Variants in ADGRL2 observed in about 807,000 individuals in gnomAD.
ADGRL2 encodes the protein adhesion G protein-coupled receptor L2.
A neutral mutation model predicts 157.4 loss-of-function variants in ADGRL2; 44 were observed. The ratio of observed to expected loss-of-function variants is 0.28; its 90% CI spans 0.22 to 0.36. The LOEUF (loss-of-function observed/expected upper bound fraction) is 0.36, where lower values mean the gene tolerates loss of function less well. Ranked by LOEUF, ADGRL2 falls within the 10% of genes least tolerant of loss-of-function variation. The probability of loss-of-function intolerance (pLI) is 1.00; values close to 1 mark genes in which losing one functional copy is unlikely to be tolerated. For synonymous variants in ADGRL2, 585 were observed against 624.7 expected (o/e 0.94, Z 0.95); for missense variants, 1,510 against 1,768.9 (o/e 0.85, Z 2.63).
chr1:81,796,809 T>A (rs1403952919), upstream of ADGRL2, among the ~76,000 whole-genome samples: 1 of 152,212 alleles, frequency 6.6e-6, no homozygotes, highest in Non-Finnish European at 1.5e-5. Context: ...TAATTATATT[T>A]ACATTATACT....
At chr1:81,488,779 T>C (rs1382664423) in intron 2 of ADGRL2, among the ~76,000 whole-genome samples, 1 of 151,616 alleles carries the variant, frequency 6.6e-6, no homozygotes, top group Non-Finnish European at 1.5e-5. Flanking sequence ...AAAAGAATTG[T>C]CCCTCAAAGC....
intron 2 of ADGRL2, among the ~76,000 whole-genome samples, chr1:81,892,580 C>T (rs1448695469): frequency 6.6e-6 from 1 of 152,100 alleles, no homozygotes; most frequent in African/African-American, 2.4e-5. Context: ...AGTCTATTCA[C>T]TGATTTTGTC....
rs886700690 is a variant in ADGRL2 at position 81,927,469 on chromosome 1, G to A, written c.288-9259G>A. ...GGATTATATTTAAAACTTTAAAAAA[G>A]TAGAAAATTGAATGTAATAAAAATT... On this transcript the variant is annotated intron_variant, in intron 3 of 23. Coordinates refer to ENST00000686636, the MANE Select transcript of ADGRL2 (RefSeq NM_001366006.2). Among the ~76,000 whole-genome samples the A allele has an allele frequency of 3.3e-5, 5 of 152,000 alleles. No homozygotes were observed. The South Asian group carries it at 8.3e-4, about 25-fold the overall frequency.
intron 2 of ADGRL2, among the ~76,000 whole-genome samples, chr1:81,482,431 C>A (rs1355271254): frequency 6.6e-6 from 1 of 151,658 alleles, no homozygotes; most frequent in Non-Finnish European, 1.5e-5. Context: ...TGTCCTAAAC[C>A]CACACATATA....
chr1:81,357,725 G>C (rs1444658607), intron 1 of ADGRL2, among the ~76,000 whole-genome samples: 1 of 152,100 alleles, frequency 6.6e-6, no homozygotes, highest in African/African-American at 2.4e-5. Flanking sequence ...GGGGTAGAAG[G>C]TAGGAAGTTA....
intron 3 of ADGRL2, among the ~76,000 whole-genome samples, chr1:81,917,279 T>C (rs1456294564): frequency 6.6e-6 from 1 of 152,184 alleles, no homozygotes; most frequent in Non-Finnish European, 1.5e-5. Context: ...AGTACCTACT[T>C]TGTACATTAT....
chr1:81,967,748 A>T (rs1330512500), intron 13 of ADGRL2, among the ~76,000 whole-genome samples: 1 of 152,200 alleles, frequency 6.6e-6, no homozygotes, highest in Non-Finnish European at 1.5e-5. Context: ...AAAAGATTCT[A>T]ATGTACCATC....
intron 2 of ADGRL2, among the ~76,000 whole-genome samples, chr1:81,778,429 G>A (rs1038575856): frequency 6.6e-6 from 1 of 151,698 alleles, no homozygotes; most frequent in Non-Finnish European, 1.5e-5. Flanking sequence ...CTAGAGATCT[G>A]TATATCTATT....
chr1:81,406,642 C>A (rs1001272040), intron 1 of ADGRL2, among the ~76,000 whole-genome samples: 1 of 152,150 alleles, frequency 6.6e-6, no homozygotes, highest in Non-Finnish European at 1.5e-5. Context: ...GCAGTTTCAA[C>A]CATTGCTATT....
intron 1 of ADGRL2, among the ~76,000 whole-genome samples, chr1:81,444,221 C>G (rs2077560109): frequency 6.6e-6 from 1 of 152,206 alleles, no homozygotes; most frequent in East Asian, 1.9e-4. Context: ...TAATGCAAGA[C>G]AGGTAAACCT....
At chr1:81,563,643 G>A (rs1192344571) in intron 2 of ADGRL2, among the ~76,000 whole-genome samples, 1 of 152,042 alleles carries the variant, frequency 6.6e-6, no homozygotes, top group African/African-American at 2.4e-5. Flanking sequence ...TTTTCAGTGA[G>A]GAAAGATCTA....
At chr1:81,558,657 T>C (rs1325314663) in intron 2 of ADGRL2, among the ~76,000 whole-genome samples, 2 of 152,194 alleles carry the variant, frequency 1.3e-5, no homozygotes, top group Non-Finnish European at 1.5e-5. Flanking sequence ...AAAAAAACCT[T>C]GATTCCCACT....
chr1:81,394,571 C>A (rs184993000), intron 1 of ADGRL2, among the ~76,000 whole-genome samples: 1 of 152,096 alleles, frequency 6.6e-6, no homozygotes, highest in African/African-American at 2.4e-5. Flanking sequence ...AATATTATTC[C>A]GTTGTGTATA....
At chr1:81,510,331 T>C (rs1040138406) in intron 2 of ADGRL2, among the ~76,000 whole-genome samples, 10 of 152,148 alleles carry the variant, frequency 6.6e-5, no homozygotes, top group African/African-American at 2.4e-4. Context: ...TGGCCCAATT[T>C]TGAGAAATAG....
chr1:81,518,789 C>T (rs1380072084), intron 2 of ADGRL2, among the ~76,000 whole-genome samples: 1 of 144,502 alleles, frequency 6.9e-6, no homozygotes, highest in Non-Finnish European at 1.5e-5. Context: ...CAGAGTGAGA[C>T]CTTGTCTCAA....
chr1:81,963,931 A>G (rs1486797045), intron 11 of ADGRL2, among the ~76,000 whole-genome samples: 1 of 151,102 alleles, frequency 6.6e-6, no homozygotes, highest in Non-Finnish European at 1.5e-5. Flanking sequence ...ATGGTCATAA[A>G]CTATTAGGGT....
chr1:81,552,830 G>T (rs1022408827), intron 2 of ADGRL2, among the ~76,000 whole-genome samples: 1 of 152,080 alleles, frequency 6.6e-6, no homozygotes, highest in Non-Finnish European at 1.5e-5. Context: ...CTGTCGGTGA[G>T]ATACACATTT....
chr1:81,639,261 G>A lies in ADGRL2; in HGVS notation c.-143+58281G>A, dbSNP rs143167994. Among the ~76,000 whole-genome samples the A allele has an allele frequency of 4.3e-3, 654 of 152,140 alleles. 3 individuals carry two copies. Among genetic ancestry groups the A allele is most frequent in the Non-Finnish European group, 7.3e-3 (495 of 68,012 alleles). ...AACTTTTGTATTTTTAGTAGAGACG[G>A]TGTTTCACCATGTTGGCCAGGCTGG... On this transcript the variant is annotated intron_variant, in intron 3 of 24. Transcript: ENST00000370721.
chr1:81,675,210 A>G (rs1173456236), intron 3 of ADGRL2, among the ~76,000 whole-genome samples: 2 of 152,240 alleles, frequency 1.3e-5, no homozygotes, highest in South Asian at 4.1e-4. Flanking sequence ...CCTGTTACAT[A>G]ATAAAAGCCT....
Sources: allele counts gnomAD v4.1 joint callset (sites outside exome capture counted in the v4.1 genomes callset), GRCh38; gene constraint gnomAD v4.1.1; transcripts MANE v1.5; gene names NCBI Gene and HGNC (gene_info 2026-07-23, HGNC 2026-07-21).